The following MPRIP variants were observed in gnomAD, a reference collection of about 807,000 sequenced individuals.
MPRIP encodes myosin phosphatase Rho interacting protein.
In MPRIP, 59 loss-of-function variants were observed where a neutral mutation model predicts 234.9. The ratio of observed to expected loss-of-function variants is 0.25; its 90% CI spans 0.20 to 0.31. The LOEUF (loss-of-function observed/expected upper bound fraction) is 0.31. Ranked by LOEUF, MPRIP falls within the 10% of genes least tolerant of loss-of-function variation. MPRIP has a pLI of 1.00. For missense variants in MPRIP, 2,436 were observed against 3,071.0 expected, an observed-to-expected ratio of 0.79 and a Z score of 4.89; for synonymous variants, 1,144 against 1,263.9, an observed-to-expected ratio of 0.91 and a Z score of 2.01.
At chr17:17,176,741 T>C (rs567602581) in intron 21 of MPRIP, among the ~76,000 whole-genome samples, 35 of 152,212 alleles carry the variant, frequency 2.3e-4, no homozygotes, top group Non-Finnish European at 3.8e-4. Flanking sequence ...TCAGTGTGTA[T>C]GTGCTTTTTG....
At chr17:17,058,066 C>T (rs921612835) in intron 1 of MPRIP, 2 of 245,146 alleles carry the variant, frequency 8.2e-6, no homozygotes, top group East Asian at 1.0e-4. Context: ...GGGTGGGAGC[C>T]GAGGCCCAGA....
chr17:17,125,702 G>A (rs2090478204), intron 3 of MPRIP, among the ~76,000 whole-genome samples: 1 of 152,260 alleles, frequency 6.6e-6, no homozygotes, highest in Non-Finnish European at 1.5e-5. Flanking sequence ...TTGACTGTCA[G>A]CAAGGAGCTT....
chr17:17,092,917 C>T (rs907727371), intron 3 of MPRIP, among the ~76,000 whole-genome samples: 108 of 152,286 alleles, frequency 7.1e-4, no homozygotes, highest in African/African-American at 2.2e-3. Flanking sequence ...AAGGAATAGA[C>T]GTGCAAGTGT....
intron 15 of MPRIP, among the ~76,000 whole-genome samples, chr17:17,161,893 T>C (rs1255391911): frequency 5.9e-5 from 9 of 152,158 alleles, no homozygotes. Context: ...AACCCCGGGA[T>C]ACCTCCACTG....
chr17:17,166,994 A>T lies in MPRIP; in HGVS notation c.5403A>T (p.Pro1801=). 1 of 1,304,238 alleles carries T rather than the reference A, an allele frequency of 7.7e-7. No individual in the cohort carries two copies. Among genetic ancestry groups the T allele is most frequent in the Non-Finnish European group, 1.0e-6 (1 of 988,962 alleles). The allele number at this position is 1,304,238 out of a possible 1,614,324, so 80.8% of individuals were successfully genotyped here. The part of the protein sequence containing the change: ...SLLEEIAAAL[P]SLPPVESLRD... ...TAGAGGAGATAGCGGCTGCCTTACC[A>T]TCTCTGCCACCTGTGGAATCGCTGA... is the stretch of plus-strand genomic sequence containing the variant. Residue 1801 remains proline, a synonymous_variant, in exon 16 of 24, where the codon CCA becomes CCT. Transcript: ENST00000651222. The surrounding 1 kb of genome is among the most constrained non-coding windows in gnomAD (Gnocchi z 4.4).
chr17:17,128,794 G>C (rs2090542527), intron 4 of MPRIP, among the ~76,000 whole-genome samples: 1 of 152,164 alleles, frequency 6.6e-6, no homozygotes, highest in African/African-American at 2.4e-5. Flanking sequence ...GCACCCTGGG[G>C]ACAAGTGCTT....
At chr17:17,140,391 C>T (rs756934307) in intron 7 of MPRIP, among the ~76,000 whole-genome samples, 3 of 152,112 alleles carry the variant, frequency 2.0e-5, no homozygotes, top group Non-Finnish European at 2.9e-5. Context: ...CTGGCCCCAC[C>T]CCCCACCAGT....
intron 13 of MPRIP, 84 bp from the exon 14 acceptor site, chr17:17,158,348 T>G (rs2045778091): frequency 3.3e-6 from 4 of 1,202,618 alleles, no homozygotes; most frequent in Non-Finnish European, 4.6e-6. Flanking sequence ...GGGGCTGGGT[T>G]GTGGCTCAGC....
At chr17:17,126,138 T>C (rs948328592) in intron 3 of MPRIP, among the ~76,000 whole-genome samples, 8 of 152,224 alleles carry the variant, frequency 5.3e-5, no homozygotes, top group Non-Finnish European at 4.4e-5. Flanking sequence ...AAGTTACTGT[T>C]TGCCATGCCA....
intron 3 of MPRIP, among the ~76,000 whole-genome samples, chr17:17,083,934 G>A (rs190253810): frequency 3.9e-4 from 59 of 152,202 alleles, no homozygotes; most frequent in African/African-American, 1.3e-3. Context: ...TAGTAGAAAC[G>A]GTTTCATCGT....
At chr17:17,079,063 G>A (rs2089401783) in intron 3 of MPRIP, among the ~76,000 whole-genome samples, 2 of 152,120 alleles carry the variant, frequency 1.3e-5, no homozygotes, top group Non-Finnish European at 2.9e-5. Context: ...TCCAGACTGC[G>A]GCAGGGGGTG....
intron 1 of MPRIP, among the ~76,000 whole-genome samples, chr17:17,070,348 T>G (rs2089162731): frequency 6.6e-6 from 1 of 152,194 alleles, no homozygotes; most frequent in South Asian, 2.1e-4. Context: ...TGAGCCCTTT[T>G]TCCGCTTCAC....
At chr17:17,181,325 C>G (rs1237572256) in intron 23 of MPRIP, among the ~76,000 whole-genome samples, 1 of 152,130 alleles carries the variant, frequency 6.6e-6, no homozygotes, top group Admixed American at 6.6e-5. Flanking sequence ...GTAGCTTGAT[C>G]TCGTTCATCC....
intron 3 of MPRIP, among the ~76,000 whole-genome samples, chr17:17,096,259 T>C (rs778669478): frequency 7.0e-5 from 10 of 142,772 alleles, no homozygotes; most frequent in Non-Finnish European, 1.5e-4. Flanking sequence ...TGTAGCTCTT[T>C]GTGCTTGGCA....
intron 1 of MPRIP, among the ~76,000 whole-genome samples, chr17:17,073,086 A>C (rs910040050): frequency 2.4e-4 from 37 of 152,200 alleles, no homozygotes; most frequent in African/African-American, 8.7e-4. Flanking sequence ...CTTGGCTGTC[A>C]CCAACCCCTT....
chr17:17,127,742 A>G (rs2090520633), intron 4 of MPRIP, among the ~76,000 whole-genome samples: 1 of 152,258 alleles, frequency 6.6e-6, no homozygotes, highest in African/African-American at 2.4e-5. Flanking sequence ...GTAGCAGTAC[A>G]GAGTAGAGGG....
chr17:17,188,353 G>A lies in MPRIP; in HGVS notation c.*3459G>A, dbSNP rs1205408850. ...GTTTATTGAACAAGAGGTAACATCG[G>A]AGAGGATCTTGCCTTCGGATTCAGC... On this transcript the variant is annotated 3_prime_UTR_variant, in exon 24 of 24. Transcript: ENST00000651222. The A allele has an allele frequency of 1.3e-5, 2 of 152,410 alleles. No individual in the cohort carries two copies. Among genetic ancestry groups the A allele is most frequent in the Non-Finnish European group, 2.9e-5 (2 of 68,070 alleles). 9.4% of individuals were successfully genotyped at this position (152,410 alleles called of 1,614,324 possible).
intron 2 of MPRIP, among the ~76,000 whole-genome samples, chr17:17,076,867 G>C (rs1195745084): frequency 6.6e-6 from 1 of 150,532 alleles, no homozygotes; most frequent in Non-Finnish European, 1.5e-5. Context: ...AAAGCAGAGA[G>C]ATGTGCTTTT....
chr17:17,114,330 A>G (rs1056424536), intron 3 of MPRIP, among the ~76,000 whole-genome samples: 1 of 151,944 alleles, frequency 6.6e-6, no homozygotes, highest in Non-Finnish European at 1.5e-5. Flanking sequence ...TGTCAGATAT[A>G]TGATTTGCAA....
Sources: gnomAD v4.1 joint callset for allele counts (sites outside exome capture counted in the v4.1 genomes callset) on GRCh38, gnomAD v4.1.1 for gene constraint, Gnocchi (gnomAD v3.1) non-coding constraint, MANE v1.5 for transcripts, NCBI Gene and HGNC (gene_info 2026-07-23, HGNC 2026-07-21) for gene names.